The following TMEM132D variants were observed in gnomAD, a reference collection of about 807,000 sequenced individuals.
TMEM132D encodes the protein mature OL transmembrane protein.
TMEM132D carries 21 observed loss-of-function variants against 62.3 expected under a neutral mutation model. That is an observed-to-expected ratio of 0.34 (90% CI 0.24 to 0.49). The LOEUF is 0.49. Ranked by LOEUF, TMEM132D falls within the 20% of genes least tolerant of loss-of-function variation. The pLI is 0.99. For missense variants in TMEM132D, 1,346 were observed against 1,402.8 expected (o/e 0.96, Z 0.65); for synonymous variants, 621 against 575.6 (o/e 1.08, Z -1.13).
intron 1 of TMEM132D, among the ~76,000 whole-genome samples, chr12:129,772,839 A>C (rs1870799252): frequency 1.3e-5 from 2 of 152,250 alleles, no homozygotes; most frequent in South Asian, 4.1e-4. Context: ...CGGAAGCTGC[A>C]TTGCATTTAG....
chr12:129,603,161 A>T (rs1290764540), intron 2 of TMEM132D, among the ~76,000 whole-genome samples: 1 of 152,186 alleles, frequency 6.6e-6, no homozygotes, highest in African/African-American at 2.4e-5. Flanking sequence ...ATTATCACCC[A>T]AAGTCCAAAG....
intron 2 of TMEM132D, among the ~76,000 whole-genome samples, chr12:129,605,837 G>A (rs1040245346): frequency 1.3e-5 from 2 of 151,832 alleles, no homozygotes; most frequent in Non-Finnish European, 2.9e-5. Context: ...ATATTGCAAG[G>A]GACAAGTAAA....
intron 5 of TMEM132D, among the ~76,000 whole-genome samples, chr12:129,121,311 G>T (rs1301211534): frequency 6.6e-6 from 1 of 152,064 alleles, no homozygotes; most frequent in Admixed American, 6.5e-5. Context: ...GGCCAGGCTG[G>T]TCTCAAACTC....
At chr12:129,501,370 G>GA (rs1043361123) in intron 3 of TMEM132D, among the ~76,000 whole-genome samples, 60 of 148,842 alleles carry the variant, frequency 4.0e-4, no homozygotes, top group Admixed American at 1.6e-3. Context: ...TTTCTCTTTT[G>GA]AAAAAAAAAA....
chr12:129,358,363 A>G (rs556245530), intron 3 of TMEM132D, among the ~76,000 whole-genome samples: 11 of 152,272 alleles, frequency 7.2e-5, no homozygotes, highest in African/African-American at 2.4e-4. Flanking sequence ...AGATGAGCTA[A>G]AGAAGATGAA....
chr12:129,430,287 A>AG, intron 3 of TMEM132D, among the ~76,000 whole-genome samples: 1 of 152,260 alleles, frequency 6.6e-6, no homozygotes, highest in East Asian at 1.9e-4. Flanking sequence ...AACTGGTGTG[A>AG]GATGGCATCT....
chr12:129,537,966 C>T (rs777425423), intron 2 of TMEM132D, among the ~76,000 whole-genome samples: 9 of 152,136 alleles, frequency 5.9e-5, no homozygotes, highest in South Asian at 2.1e-4. Context: ...CTGGCCTCAT[C>T]GACGCGGCAC....
At chr12:129,481,815 C>G (rs935335814) in intron 3 of TMEM132D, among the ~76,000 whole-genome samples, 4 of 152,128 alleles carry the variant, frequency 2.6e-5, no homozygotes, top group African/African-American at 7.2e-5. Flanking sequence ...TTCTTTTTAG[C>G]CCTTAATGAA....
intron 3 of TMEM132D, among the ~76,000 whole-genome samples, chr12:129,438,063 T>C (rs936932499): frequency 5.9e-5 from 9 of 152,318 alleles, no homozygotes; most frequent in African/African-American, 1.2e-4. Flanking sequence ...GCTAAGGACA[T>C]GAACTTATCC....
At chr12:129,230,757 G>C (rs555876291) in intron 4 of TMEM132D, among the ~76,000 whole-genome samples, 42 of 152,312 alleles carry the variant, frequency 2.8e-4, no homozygotes, top group African/African-American at 9.6e-4. Context: ...GAGTCACTGG[G>C]TTCAAGAAGC....
intron 1 of TMEM132D, among the ~76,000 whole-genome samples, chr12:129,749,505 C>T (rs1023168966): frequency 2.0e-5 from 3 of 149,106 alleles, no homozygotes; most frequent in South Asian, 2.1e-4. Flanking sequence ...CACCCAGGCT[C>T]AAGTGCAGTG....
At chr12:129,868,755 C>A (rs569131210) in intron 1 of TMEM132D, among the ~76,000 whole-genome samples, 1 of 152,160 alleles carries the variant, frequency 6.6e-6, no homozygotes, top group Non-Finnish European at 1.5e-5. Context: ...GTTCACTGTC[C>A]AGCTGCTTGC....
intron 3 of TMEM132D, among the ~76,000 whole-genome samples, chr12:129,401,057 T>C (rs1251503287): frequency 6.6e-6 from 1 of 152,160 alleles, no homozygotes; most frequent in Non-Finnish European, 1.5e-5. Flanking sequence ...CACCATCCAT[T>C]TCCCTTTCCC....
At chr12:129,165,588 C>T (rs1000898614) in intron 5 of TMEM132D, among the ~76,000 whole-genome samples, 3 of 152,040 alleles carry the variant, frequency 2.0e-5, no homozygotes, top group Non-Finnish European at 4.4e-5. Flanking sequence ...TCTCTAACAC[C>T]ACTCTCCACA....
intron 5 of TMEM132D, among the ~76,000 whole-genome samples, chr12:129,150,668 G>C (rs1380603828): frequency 2.0e-5 from 3 of 152,318 alleles, no homozygotes; most frequent in African/African-American, 7.2e-5. Flanking sequence ...CTGACCCTGG[G>C]CTTCTCCAAT....
intron 3 of TMEM132D, among the ~76,000 whole-genome samples, chr12:129,516,427 C>T (rs1476008319): frequency 1.3e-5 from 2 of 152,174 alleles, no homozygotes; most frequent in East Asian, 3.8e-4. Flanking sequence ...CACAGTTCCA[C>T]GTGGCTGGGG....
At chr12:129,578,810 A>G (rs961074418) in intron 2 of TMEM132D, among the ~76,000 whole-genome samples, 1 of 152,030 alleles carries the variant, frequency 6.6e-6, no homozygotes, top group African/African-American at 2.4e-5. Context: ...ACCTTCCTCA[A>G]TCTCTAGTTC....
chr12:129,123,677 C>G (rs547756317), intron 5 of TMEM132D, among the ~76,000 whole-genome samples: 38 of 152,278 alleles, frequency 2.5e-4, no homozygotes, highest in African/African-American at 8.7e-4. Flanking sequence ...GTGTTTCTGG[C>G]ACAAATTAAT....
At position 129,815,038 on chromosome 12, in the gene TMEM132D, C is replaced by T. The variant is rs761857929; in HGVS notation, c.79+88223G>A. Among the ~76,000 whole-genome samples, 17 of 152,262 alleles carry T rather than the reference C, an allele frequency of 1.1e-4. No homozygotes were observed. The South Asian group carries it at 3.3e-3, about 30-fold the overall frequency. ...ATCTGTGGTCAATCTCCCTCATGAG[C>T]TTAAGAGCTCCCTGAGATTGGAGCC... On this transcript the variant is annotated intron_variant, in intron 1 of 8. Coordinates refer to ENST00000422113, the MANE Select transcript of TMEM132D (RefSeq NM_133448.3).
Sources: allele counts gnomAD v4.1 joint callset (sites outside exome capture counted in the v4.1 genomes callset), GRCh38; gene constraint gnomAD v4.1.1; transcripts MANE v1.5; gene names NCBI Gene and HGNC (gene_info 2026-07-23, HGNC 2026-07-21).